Variants in TRIM48 observed in about 807,000 individuals in gnomAD.
TRIM48 encodes tripartite motif containing 48.
In TRIM48, 31 loss-of-function variants were observed where a neutral mutation model predicts 29.5. The observed-to-expected ratio is 1.05, with a 90% CI of 0.79 to 1.42. The LOEUF (loss-of-function observed/expected upper bound fraction) is 1.42, where lower values mean the gene tolerates loss of function less well. Ranked by LOEUF, TRIM48 falls within the 40% of genes most tolerant of loss-of-function variation. TRIM48 has a pLI of 0.00. For missense variants in TRIM48, 344 were observed against 265.0 expected, an observed-to-expected ratio of 1.30 and a Z score of -2.07; for synonymous variants, 128 against 90.6, an observed-to-expected ratio of 1.41 and a Z score of -2.34.
chr11:55,269,410 T>C lies in TRIM48; in HGVS notation c.*1+71T>C. ...TATTGTTAGGATCACATAGGTAATA[T>C]TTCATCCTTTATCAAATATTTTACT... On this transcript the variant is annotated intron_variant, in intron 5 of 5. Transcript: ENST00000417545. 6 of 1,516,000 alleles carry C rather than the reference T, an allele frequency of 4.0e-6. 1 individual carries two copies. Among genetic ancestry groups the C allele is most frequent in the Non-Finnish European group, 5.3e-6 (6 of 1,127,390 alleles). 93.9% of individuals were successfully genotyped at this position (1,516,000 alleles called of 1,614,324 possible). A position where few individuals can be genotyped will look rare whatever the true frequency, so the allele number is the denominator to read the frequency against.
intron 1 of TRIM48, among the ~76,000 whole-genome samples, chr11:55,263,244 G>C (rs575897400): frequency 6.6e-6 from 1 of 152,200 alleles, no homozygotes; most frequent in East Asian, 1.9e-4. Flanking sequence ...ATACAGTATA[G>C]AACACGCTGT....
chr11:55,267,286 C>A (rs1857408240), intron 3 of TRIM48: 1 of 1,191,928 alleles, frequency 8.4e-7, no homozygotes, highest in South Asian at 1.7e-5. Flanking sequence ...TTTGTGGATT[C>A]TAAGAACTGG....
At chr11:55,265,954 A>G (rs1857386009) in intron 3 of TRIM48, among the ~76,000 whole-genome samples, 1 of 147,836 alleles carries the variant, frequency 6.8e-6, no homozygotes, top group East Asian at 2.2e-4. Flanking sequence ...ATACACCAAC[A>G]GATACAAGAA....
At chr11:55,268,984 G>A (rs1278222636) in intron 4 of TRIM48, among the ~76,000 whole-genome samples, 2 of 147,864 alleles carry the variant, frequency 1.4e-5, no homozygotes, top group African/African-American at 4.9e-5. Flanking sequence ...ATATTCTCAA[G>A]GCCATAAGGC....
rs542339611 is a variant in TRIM48, at chr11:55,269,745, G to T, written c.*1+406G>T. Among the ~76,000 whole-genome samples, 31 of 147,640 alleles carry T rather than the reference G, an allele frequency of 2.1e-4. 3 individuals carry two copies. Among genetic ancestry groups the T allele is most frequent in the East Asian group, 8.5e-4 (4 of 4,686 alleles). On this transcript the variant is annotated intron_variant, in intron 5 of 5. Coordinates refer to ENST00000417545, the MANE Select transcript of TRIM48 (RefSeq NM_024114.5). ...ATATAGTTCGCTGGAGATTCTTGGG[G>T]TTTTTTAATTTTTTAAATGGATATA... is the stretch of plus-strand genomic sequence containing the variant.
chr11:55,265,464 G>T, intron 2 of TRIM48, 136 bp from the exon 3 acceptor site: 1 of 1,481,914 alleles, frequency 6.7e-7, no homozygotes, highest in Non-Finnish European at 9.1e-7. Flanking sequence ...GAGATTTGAC[G>T]AGGAAGAAGT....
At chr11:55,270,345 T>G in intron 5 of TRIM48, 92 bp from the exon 6 acceptor site, 1 of 1,102,572 alleles carries the variant, frequency 9.1e-7, no homozygotes, top group Non-Finnish European at 1.2e-6. Flanking sequence ...GTAAATTAAC[T>G]TTTTGATAGA....
At chr11:55,268,080 T>C (rs1051637571) in intron 3 of TRIM48, among the ~76,000 whole-genome samples, 1 of 147,760 alleles carries the variant, frequency 6.8e-6, no homozygotes, top group Non-Finnish European at 1.5e-5. Context: ...AGTAGGTTAT[T>C]CGAGGTTACC....
rs1857363087 is a variant in TRIM48, at chr11:55,264,957, C to T, written c.102C>T (p.Cys34=). The T allele has an allele frequency of 6.3e-7, 1 of 1,584,304 alleles. No homozygotes were observed. Among genetic ancestry groups the T allele is most frequent in the African/African-American group, 1.4e-5 (1 of 73,568 alleles). ...VFQRELTCPI[C]MNYFIDPVTI... ...AGAGGGAACTCACCTGCCCCATCTG[C>T]ATGAACTACTTCATAGACCCGGTCA... Residue 34 remains cysteine, a synonymous_variant, in exon 2 of 6, where the codon TGC becomes TGT. Coordinates refer to ENST00000417545, the MANE Select transcript of TRIM48 (RefSeq NM_024114.5).
Position 55,269,389 on chromosome 11 carries a change from G to T in TRIM48, c.*1+50G>T, listed in dbSNP as rs751740561. On this transcript the variant is annotated intron_variant, in intron 5 of 5. Transcript: ENST00000417545. ...CCCCCACTATCTAAATATTATTATT[G>T]TTAGGATCACATAGGTAATATTTCA... 5.2e-6 allele frequency: 8 copies of T among 1,549,988 alleles called. 2 individuals are homozygous for T. In the South Asian group the frequency reaches 9.7e-5, roughly 19 times the overall value.
Position 55,269,252 on chromosome 11 carries a change from G to A in TRIM48, c.589G>A (p.Val197Met), listed in dbSNP as rs577004725. The A allele has an allele frequency of 2.5e-5, 40 of 1,574,790 alleles. 2 individuals carry two copies. The African/African-American group carries it at 2.9e-4, about 11-fold the overall frequency. The change falls in exon 5 of 6, where the codon GTG (valine) becomes ATG (methionine). Residue 197 changes from valine (V) to methionine (M), a missense_variant. Physicochemically the swap from Val to Met is conservative, Grantham distance 21. Transcript: ENST00000417545. Reference protein sequence around the residue: ...FGDILYRSESVLLHMPQPLNL... With the variant: ...FGDILYRSESMLLHMPQPLNL... The stretch of plus-strand genomic sequence containing the variant: ...GGTTTTTCCTTGCAGGAGTGAGTCC[G>A]TGCTGCTGCACATGCCCCAGCCTCT...
At chr11:55,263,744 G>A (rs1378042480) in intron 1 of TRIM48, among the ~76,000 whole-genome samples, 1 of 152,168 alleles carries the variant, frequency 6.6e-6, no homozygotes, top group Non-Finnish European at 1.5e-5. Context: ...TACACGAGGG[G>A]AATTCATCAG....
chr11:55,267,411 A>G, intron 3 of TRIM48: 1 of 1,576,582 alleles, frequency 6.3e-7, no homozygotes, highest in South Asian at 1.2e-5. Context: ...CTGCCGTATT[A>G]TGTGAATGTA....
rs758188890 is a variant in TRIM48 at position 55,264,948 on chromosome 11, C to T, written c.93C>T (p.Cys31=). The change falls in exon 2 of 6, where the codon TGC becomes TGT. Residue 31 remains cysteine (C), a synonymous_variant. Coordinates refer to ENST00000417545, the MANE Select transcript of TRIM48 (RefSeq NM_024114.5). ...AAGTCTTCCAGAGGGAACTCACCTGCCCCATCTGCATGAACTACTTCATAG... is the reference window on the plus strand; with the variant it reads ...AAGTCTTCCAGAGGGAACTCACCTGTCCCATCTGCATGAACTACTTCATAG... ...ISQVFQRELT[C]PICMNYFIDP... The T allele has an allele frequency of 1.4e-5, 22 of 1,584,072 alleles. 3 individuals are homozygous for T. The Middle Eastern group carries it at 9.1e-4, about 65-fold the overall frequency.
At chr11:55,268,420 A>G (rs1403987527) in intron 4 of TRIM48, 48 bp downstream of exon 4, 1 of 1,495,622 alleles carries the variant, frequency 6.7e-7, no homozygotes. Context: ...CTTTCCACGA[A>G]TATCAAAGCA....
intron 5 of TRIM48, among the ~76,000 whole-genome samples, chr11:55,269,561 T>A (rs1254646395): frequency 6.8e-6 from 1 of 147,752 alleles, no homozygotes; most frequent in Non-Finnish European, 1.5e-5. Flanking sequence ...TCATATGTAC[T>A]GAGTAATGTA....
At chr11:55,269,106 A>C in intron 4 of TRIM48, 136 bp from the exon 5 acceptor site, 2 of 1,339,276 alleles carry the variant, frequency 1.5e-6, no homozygotes, top group South Asian at 1.5e-5. Flanking sequence ...AATTAATTCC[A>C]AAAAGGAAGG....
rs1238003589 is a variant in TRIM48 at position 55,269,273 on chromosome 11, C to A, written c.610C>A (p.Pro204Thr). 1.3e-5 allele frequency: 21 copies of A among 1,576,204 alleles called. 1 individual carries two copies. The highest frequency in any genetic ancestry group is 5.4e-5 in the African/African-American group (4 of 73,606). The part of the protein sequence containing the change: ...SESVLLHMPQ[P>T]LNLALRAGPI... ...GTCCGTGCTGCTGCACATGCCCCAG[C>A]CTCTGAATCTAGCGCTCAGGGCAGG... is the stretch of plus-strand genomic sequence containing the variant. The change falls in exon 5 of 6, where the codon CCT becomes ACT. Residue 204 changes from proline to threonine, a missense_variant. By Grantham distance (38) the Pro-to-Thr change is conservative (BLOSUM62 -1). Coordinates refer to ENST00000417545, the MANE Select transcript of TRIM48 (RefSeq NM_024114.5).
intron 3 of TRIM48, among the ~76,000 whole-genome samples, chr11:55,266,390 G>T (rs1590621775): frequency 6.8e-6 from 1 of 147,144 alleles, no homozygotes; most frequent in Non-Finnish European, 1.5e-5. Flanking sequence ...ATATTAGTGT[G>T]TTGAAAAGTA....
Sources: gnomAD v4.1 joint callset for allele counts (sites outside exome capture counted in the v4.1 genomes callset) on GRCh38, gnomAD v4.1.1 for gene constraint, MANE v1.5 for transcripts, NCBI Gene and HGNC (gene_info 2026-07-23, HGNC 2026-07-21) for gene names.